Variants in C5orf22 observed in about 807,000 individuals in gnomAD.
The protein encoded by C5orf22 is chromosome 5 open reading frame 22, also known as UPF0489 protein C5orf22.
Under a neutral mutation model 48.7 loss-of-function variants are expected in C5orf22, and 36 were observed. That is an observed-to-expected ratio of 0.74 (90% CI 0.57 to 0.98). C5orf22 has a LOEUF of 0.98. C5orf22 is among the 50% of genes least tolerant of loss of function. C5orf22 has a pLI of 0.00. For synonymous variants in C5orf22, 141 were observed against 180.8 expected, an observed-to-expected ratio of 0.78 and a Z score of 1.76; for missense variants, 486 against 521.9, an observed-to-expected ratio of 0.93 and a Z score of 0.67.
chr5:31,535,752 G>C lies in C5orf22; in HGVS notation c.236G>C (p.Ser79Thr), dbSNP rs372061653. ...CTATGTTTCTTTTCCAGAGAATTAA[G>C]TATTGAAAATTGGATTATGCCTGCA... is the stretch of plus-strand genomic sequence containing the variant. The part of the protein sequence containing the change: ...FDKETLFGEL[S>T]IENWIMPAVY... Residue 79 changes from serine (S) to threonine (T), a missense_variant, in exon 3 of 9, where the codon AGT becomes ACT. Around this residue, in one of 3 missense-constraint regions of C5orf22, gnomAD observed 408 missense variants for 444.0 expected, o/e 0.92. Transcript: ENST00000325366. 2.5e-6 allele frequency: 4 copies of C among 1,596,260 alleles called. No individual in the cohort carries two copies. The African/African-American group carries it at 5.4e-5, about 22-fold the overall frequency.
intron 5 of C5orf22, 36 bp downstream of exon 5, chr5:31,541,047 T>G (rs773590948): frequency 1.9e-5 from 28 of 1,496,562 alleles, no homozygotes; most frequent in Non-Finnish European, 2.6e-5. Flanking sequence ...TTTTATTCAT[T>G]TATCATATAA....
chr5:31,541,004 T>A lies in C5orf22; in HGVS notation c.863T>A (p.Leu288Gln). ...LYQFKKPGTN[L>Q]TEEDLVDIVD... Reference sequence around the variant, plus strand: ...CAATTTAAGAAACCTGGCACCAACCTAACAGAGGTATCCTCCATTTGTTTC... The same window carrying A: ...CAATTTAAGAAACCTGGCACCAACCAAACAGAGGTATCCTCCATTTGTTTC... Residue 288 changes from leucine (L) to glutamine (Q), a missense_variant, in exon 5 of 9, where the codon CTA becomes CAA. This residue lies in a region of C5orf22 where 408 missense variants were observed against 444.0 expected (regional missense o/e 0.92). Transcript: ENST00000325366. The A allele has an allele frequency of 6.2e-7, 1 of 1,608,498 alleles. No homozygotes were observed. Among genetic ancestry groups the A allele is most frequent in the Non-Finnish European group, 8.5e-7 (1 of 1,175,306 alleles).
chr5:31,535,728 T>A lies in C5orf22; in HGVS notation c.228-16T>A. 4 of 1,568,700 alleles carry A rather than the reference T, an allele frequency of 2.5e-6. No individual in the cohort carries two copies. Among genetic ancestry groups the A allele is most frequent in the Non-Finnish European group, 3.5e-6 (4 of 1,159,418 alleles). On this transcript the variant is annotated splice_polypyrimidine_tract_variant and intron_variant, in intron 2 of 8. Transcript: ENST00000325366. ...AAAATAAAAGTTTTAATGTTGTCTC[T>A]ATGTTTCTTTTCCAGAGAATTAAGT...
chr5:31,532,981 GTC>G (rs1297673858), intron 1 of C5orf22, among the ~76,000 whole-genome samples: 12 of 151,934 alleles, frequency 7.9e-5, no homozygotes, highest in East Asian at 1.9e-4. Context: ...TTGAGACGGA[GTC>G]TCTCTCTGTT....
At chr5:31,551,890 C>T (rs1339941685) in intron 8 of C5orf22, among the ~76,000 whole-genome samples, 1 of 152,162 alleles carries the variant, frequency 6.6e-6, no homozygotes, top group Non-Finnish European at 1.5e-5. Context: ...GAAACTAATA[C>T]AATCTCTGTA....
At chr5:31,549,677 A>C (rs1743126193) in intron 7 of C5orf22, among the ~76,000 whole-genome samples, 1 of 152,020 alleles carries the variant, frequency 6.6e-6, no homozygotes, top group African/African-American at 2.4e-5. Context: ...GGAATTTGAG[A>C]CCAGCCTGGG....
chr5:31,535,123 G>T, intron 2 of C5orf22: 1 of 392,650 alleles, frequency 2.5e-6, no homozygotes, highest in Non-Finnish European at 5.1e-6. Flanking sequence ...TTGATAGTGC[G>T]CCAAAACTTG....
At chr5:31,535,075 A>AT (rs1196936098) in intron 2 of C5orf22, 2 of 443,860 alleles carry the variant, frequency 4.5e-6, no homozygotes, top group Non-Finnish European at 9.0e-6. Context: ...AAAGGAAAGA[A>AT]TATTTTGATA....
At chr5:31,545,532 A>G (rs1742829327) in intron 6 of C5orf22, 114 bp from the exon 7 acceptor site, 3 of 741,354 alleles carry the variant, frequency 4.0e-6, no homozygotes, top group South Asian at 3.2e-5. Flanking sequence ...TTATTTCCCA[A>G]GTGCCATATG....
At chr5:31,542,912 A>G (rs944022997) in intron 6 of C5orf22, among the ~76,000 whole-genome samples, 3 of 152,246 alleles carry the variant, frequency 2.0e-5, no homozygotes, top group Non-Finnish European at 1.5e-5. Flanking sequence ...ACGGGAAATT[A>G]GAATCAATAG....
intron 7 of C5orf22, among the ~76,000 whole-genome samples, chr5:31,547,600 C>G (rs1265650407): frequency 1.3e-5 from 2 of 152,248 alleles, no homozygotes; most frequent in Non-Finnish European, 2.9e-5. Context: ...TTCTTGACTT[C>G]TGTGCACTCA....
rs1174265610 is a variant in C5orf22, at chr5:31,551,302, G to C, written c.1069G>C (p.Ala357Pro). ...ATTGTCTTATTTTCAGGTTCACCAG[G>C]CTGGTTTAACCTGCGATTATTCAGA... ...EVPDYEMVHQ[A>P]GLTCDYSELP... Residue 357 changes from alanine (A) to proline (P), a missense_variant, in exon 8 of 9, where the codon GCT becomes CCT. Ala to Pro is a conservative substitution (Grantham distance 27). This residue lies in a region of C5orf22 where 408 missense variants were observed against 444.0 expected (regional missense o/e 0.92). Transcript: ENST00000325366. The C allele has an allele frequency of 6.2e-7, 1 of 1,612,722 alleles. No homozygotes were observed. Among genetic ancestry groups the C allele is most frequent in the African/African-American group, 1.3e-5 (1 of 74,848 alleles).
At chr5:31,545,944 A>C (rs2150078071) in intron 7 of C5orf22, among the ~76,000 whole-genome samples, 1 of 152,320 alleles carries the variant, frequency 6.6e-6, no homozygotes, top group South Asian at 2.1e-4. Flanking sequence ...TGTATGAAGC[A>C]AAAGTCCTGT....
chr5:31,543,772 A>G (rs1443940036), intron 6 of C5orf22, among the ~76,000 whole-genome samples: 1 of 152,104 alleles, frequency 6.6e-6, no homozygotes, highest in South Asian at 2.1e-4. Flanking sequence ...TTCAACAACA[A>G]CAAAATAGGC....
At chr5:31,547,151 C>T (rs556773615) in intron 7 of C5orf22, among the ~76,000 whole-genome samples, 36 of 152,344 alleles carry the variant, frequency 2.4e-4, no homozygotes, top group African/African-American at 8.7e-4. Context: ...GTCTGAAGTC[C>T]ATCAGGGCAG....
Position 31,535,762 on chromosome 5 carries a change from T to C in C5orf22, c.246T>C (p.Asn82=), listed in dbSNP as rs758261011. 6.2e-7 allele frequency: 1 copy of C among 1,601,246 alleles called. No individual in the cohort carries two copies. The highest frequency in any genetic ancestry group is 2.2e-5 in the East Asian group (1 of 44,716). ...ETLFGELSIE[N]WIMPAVYAGH... is the part of the protein sequence containing the mutation. ...TTTCCAGAGAATTAAGTATTGAAAATTGGATTATGCCTGCAGTTTATGCTG... is the reference window on the plus strand; with the variant it reads ...TTTCCAGAGAATTAAGTATTGAAAACTGGATTATGCCTGCAGTTTATGCTG... The change falls in exon 3 of 9, where the codon AAT becomes AAC. Residue 82 remains asparagine, a synonymous_variant. Transcript: ENST00000325366.
At chr5:31,534,752 T>G (rs573825347) in intron 2 of C5orf22, among the ~76,000 whole-genome samples, 1 of 152,330 alleles carries the variant, frequency 6.6e-6, no homozygotes, top group Non-Finnish European at 1.5e-5. Context: ...TGGATGAGCC[T>G]GTAGTCCCAG....
At chr5:31,546,149 G>A (rs1444149958) in intron 7 of C5orf22, among the ~76,000 whole-genome samples, 1 of 152,190 alleles carries the variant, frequency 6.6e-6, no homozygotes, top group Non-Finnish European at 1.5e-5. Context: ...GCTGTGACTA[G>A]CACATTTTAA....
At position 31,538,547 on chromosome 5, in the gene C5orf22, G is replaced by A. The variant is rs762566631; in HGVS notation, c.665G>A (p.Cys222Tyr). The A allele has an allele frequency of 6.2e-7, 1 of 1,614,146 alleles. No homozygotes were observed. ...DQTCLEPSCSCSSENQECQTA... is the reference protein window; with the variant it reads ...DQTCLEPSCSYSSENQECQTA... ...ACTTGCCTAGAACCATCATGTTCATGTTCTTCTGAAAATCAGGAATGCCAG... is the reference window on the plus strand; with the variant it reads ...ACTTGCCTAGAACCATCATGTTCATATTCTTCTGAAAATCAGGAATGCCAG... The change falls in exon 4 of 9, where the codon TGT becomes TAT. Residue 222 changes from cysteine (C) to tyrosine (Y), a missense_variant. By Grantham distance (194) the Cys-to-Tyr change is radical (BLOSUM62 -2). This residue lies in a region of C5orf22 where 408 missense variants were observed against 444.0 expected (regional missense o/e 0.92). Transcript: ENST00000325366.
Sources: gnomAD v4.1 joint callset for allele counts (sites outside exome capture counted in the v4.1 genomes callset) on GRCh38, gnomAD v4.1.1 for gene constraint, gnomAD v4.1.1 regional missense constraint, MANE v1.5 for transcripts, NCBI Gene and HGNC (gene_info 2026-07-23, HGNC 2026-07-21) for gene names.